Variants in DCBLD2 observed in about 807,000 individuals in gnomAD.
DCBLD2 encodes the protein discoidin, CUB and LCCL domain-containing protein 2.
DCBLD2 carries 54 observed loss-of-function variants against 86.8 expected under a neutral mutation model. The ratio of observed to expected loss-of-function variants is 0.62; its 90% CI spans 0.50 to 0.78. DCBLD2 has a LOEUF of 0.78. Ranked by LOEUF, DCBLD2 falls within the 30% of genes least tolerant of loss-of-function variation. The probability of loss-of-function intolerance (pLI) is 0.00; values close to 1 mark genes in which losing one functional copy is unlikely to be tolerated. For missense variants in DCBLD2, 908 were observed against 954.2 expected, an observed-to-expected ratio of 0.95 and a Z score of 0.64; for synonymous variants, 354 against 341.3, an observed-to-expected ratio of 1.04 and a Z score of -0.41.
Position 98,811,630 on chromosome 3 carries a change from T to C in DCBLD2, c.1364-76A>G, listed in dbSNP as rs544510165. On this transcript the variant is annotated intron_variant, in intron 10 of 15. Transcript: ENST00000326840. ...ATTAAAAATAGTAATGCTAAATGTC[T>C]TCAATATTTCCTAAAGTATTTAATT... is the stretch of plus-strand genomic sequence containing the variant. 5.5e-6 allele frequency: 7 copies of C among 1,279,702 alleles called. 1 individual carries two copies. The South Asian group carries it at 1.1e-4, about 20-fold the overall frequency. The allele number at this position is 1,279,702 out of a possible 1,614,324, so 79.3% of individuals were successfully genotyped here.
intron 2 of DCBLD2, among the ~76,000 whole-genome samples, chr3:98,864,718 G>C (rs891594581): frequency 5.9e-5 from 9 of 152,226 alleles, no homozygotes; most frequent in African/African-American, 1.9e-4. Context: ...GTGGGTGGAG[G>C]GGGGAGAGAA....
intron 1 of DCBLD2, among the ~76,000 whole-genome samples, chr3:98,888,044 C>T (rs903761900): frequency 7.2e-5 from 11 of 151,992 alleles, no homozygotes; most frequent in Non-Finnish European, 1.6e-4. Context: ...CCTAGTTTTG[C>T]CTTTTCCAGA....
chr3:98,888,459 A>C (rs1410761901), intron 1 of DCBLD2, among the ~76,000 whole-genome samples: 1 of 151,996 alleles, frequency 6.6e-6, no homozygotes, highest in African/African-American at 2.4e-5. Flanking sequence ...GACCTTGAAA[A>C]GGTTACTTAT....
In DCBLD2 at chr3:98,836,877, A is replaced by C. The variant is rs371113554; in HGVS notation, c.572-11511T>G. Among the ~76,000 whole-genome samples, 22 of 22,092 alleles carry C rather than the reference A, an allele frequency of 1.0e-3. 1 individual carries two copies. The highest frequency in any genetic ancestry group is 1.9e-3 in the South Asian group (1 of 540). 14.5% of individuals were successfully genotyped at this position (22,092 alleles called of 152,430 possible). A position where few individuals can be genotyped will look rare whatever the true frequency, so the allele number is the denominator to read the frequency against. ...GCGGCTGGCCGGGCGGGGGGCCGAC[A>C]CCCCCACCTCCCTCCCGGAGGGGGC... On this transcript the variant is annotated intron_variant, in intron 3 of 15. Coordinates refer to ENST00000326840, the MANE Select transcript of DCBLD2 (RefSeq NM_080927.4).
At chr3:98,823,705 C>A (rs1942163366) in intron 4 of DCBLD2, among the ~76,000 whole-genome samples, 1 of 152,170 alleles carries the variant, frequency 6.6e-6, no homozygotes, top group South Asian at 2.1e-4. Flanking sequence ...ATTCAGTAAA[C>A]TTAATGAATT....
chr3:98,851,196 C>T (rs1223792704), intron 2 of DCBLD2, among the ~76,000 whole-genome samples: 1 of 152,138 alleles, frequency 6.6e-6, no homozygotes, highest in Non-Finnish European at 1.5e-5. Flanking sequence ...TTAGAAAACC[C>T]CATTGTCTCA....
chr3:98,880,584 G>C (rs532458284), intron 2 of DCBLD2, among the ~76,000 whole-genome samples: 1 of 152,250 alleles, frequency 6.6e-6, no homozygotes, highest in East Asian at 1.9e-4. Flanking sequence ...TGGGTTTATG[G>C]TATTGTTTAC....
chr3:98,896,355 T>C (rs1338144817), intron 1 of DCBLD2, among the ~76,000 whole-genome samples: 1 of 152,230 alleles, frequency 6.6e-6, no homozygotes, highest in Non-Finnish European at 1.5e-5. Context: ...TGAAATACTT[T>C]CTCAAAGATT....
chr3:98,826,012 T>C (rs1942213287), intron 3 of DCBLD2, among the ~76,000 whole-genome samples: 1 of 151,432 alleles, frequency 6.6e-6, no homozygotes, highest in South Asian at 2.1e-4. Context: ...CAGTAATTTC[T>C]TAAGCACACG....
intron 2 of DCBLD2, among the ~76,000 whole-genome samples, chr3:98,879,127 T>C (rs955048086): frequency 1.3e-5 from 2 of 152,322 alleles, no homozygotes; most frequent in South Asian, 2.1e-4. Context: ...CTTTTCTTTA[T>C]AGGAATTTTC....
In DCBLD2 at chr3:98,881,534, T is replaced by G; in HGVS notation, c.433+6A>C. The G allele has an allele frequency of 1.2e-6, 2 of 1,611,434 alleles. No individual in the cohort carries two copies. The highest frequency in any genetic ancestry group is 1.7e-6 in the Non-Finnish European group (2 of 1,178,224). ...TTACATGTACATTTACAAAAAAAAG[T>G]CCTACCTATTTCAGTTCTGCTGACT... is the stretch of plus-strand genomic sequence containing the variant. On this transcript the variant is annotated splice_donor_region_variant and intron_variant, in intron 2 of 15. Coordinates refer to ENST00000326840, the MANE Select transcript of DCBLD2 (RefSeq NM_080927.4).
At chr3:98,801,366 A>G (rs1941714952) in intron 14 of DCBLD2, 1 of 450,756 alleles carries the variant, frequency 2.2e-6, no homozygotes, top group Admixed American at 3.8e-5. Flanking sequence ...AGTTTTCCAG[A>G]AGAAAAAGAA....
At chr3:98,864,660 C>A (rs141236326) in intron 2 of DCBLD2, among the ~76,000 whole-genome samples, 1 of 151,958 alleles carries the variant, frequency 6.6e-6, no homozygotes, top group East Asian at 1.9e-4. Flanking sequence ...ACAATGAGAA[C>A]ACTTGGACAC....
intron 15 of DCBLD2, 28 bp downstream of exon 15, chr3:98,800,551 T>G: frequency 1.3e-6 from 2 of 1,598,342 alleles, no homozygotes; most frequent in Admixed American, 1.7e-5. Context: ...TCCCTCTGCC[T>G]GGTACCAGAA....
intron 1 of DCBLD2, among the ~76,000 whole-genome samples, chr3:98,888,171 A>T (rs780963345): frequency 1.3e-3 from 197 of 151,898 alleles, no homozygotes; most frequent in Admixed American, 4.0e-3. Context: ...TCATTTATTT[A>T]ATTTTTAAAA....
chr3:98,886,988 T>C (rs1376240203), intron 1 of DCBLD2, among the ~76,000 whole-genome samples: 2 of 151,954 alleles, frequency 1.3e-5, no homozygotes, highest in Admixed American at 1.3e-4. Context: ...TCCATATGAC[T>C]TTCCAGCCAC....
At chr3:98,861,400 C>T (rs904656553) in intron 2 of DCBLD2, among the ~76,000 whole-genome samples, 4 of 152,176 alleles carry the variant, frequency 2.6e-5, no homozygotes, top group African/African-American at 9.7e-5. Context: ...CAGAACTCTC[C>T]ACCCCAAATC....
At chr3:98,830,953 C>G (rs1942310193) in intron 3 of DCBLD2, among the ~76,000 whole-genome samples, 1 of 152,102 alleles carries the variant, frequency 6.6e-6, no homozygotes, top group Admixed American at 6.5e-5. Context: ...GATCATTCAC[C>G]TCCCCAGTTA....
intron 1 of DCBLD2, among the ~76,000 whole-genome samples, chr3:98,899,048 T>C (rs1028009128): frequency 3.4e-5 from 5 of 149,114 alleles, no homozygotes; most frequent in Non-Finnish European, 5.9e-5. Context: ...TATTAAATGA[T>C]TTAGCAAAAT....
Sources: allele counts gnomAD v4.1 joint callset (sites outside exome capture counted in the v4.1 genomes callset), GRCh38; gene constraint gnomAD v4.1.1; transcripts MANE v1.5; gene names NCBI Gene and HGNC (gene_info 2026-07-23, HGNC 2026-07-21).